The following RIMS2 variants were observed in gnomAD, a reference collection of about 807,000 sequenced individuals.
RIMS2 encodes regulating synaptic membrane exocytosis protein 2.
RIMS2 carries 59 observed loss-of-function variants against 174.4 expected under a neutral mutation model. That is an observed-to-expected ratio of 0.34 (90% CI 0.27 to 0.42). The LOEUF is 0.42. Ranked by LOEUF, RIMS2 falls within the 10% of genes least tolerant of loss-of-function variation. The probability of loss-of-function intolerance (pLI) is 1.00; values close to 1 mark genes in which losing one functional copy is unlikely to be tolerated. For missense variants in RIMS2, 1,620 were observed against 1,666.3 expected (o/e 0.97, Z 0.48); for synonymous variants, 606 against 572.5 (o/e 1.06, Z -0.84).
At chr8:103,557,520 A>G (rs764757150) in intron 1 of RIMS2, among the ~76,000 whole-genome samples, 2 of 152,184 alleles carry the variant, frequency 1.3e-5, no homozygotes, top group South Asian at 2.1e-4. Flanking sequence ...TTTATATATC[A>G]TTTAGAAAAT....
At chr8:103,736,573 C>G (rs1226108701) in intron 2 of RIMS2, among the ~76,000 whole-genome samples, 1 of 152,108 alleles carries the variant, frequency 6.6e-6, no homozygotes, top group Admixed American at 6.6e-5. Context: ...TAATTTTGGT[C>G]TATTATGTCC....
At chr8:103,764,964 T>G (rs1290368354) in intron 2 of RIMS2, among the ~76,000 whole-genome samples, 1 of 152,192 alleles carries the variant, frequency 6.6e-6, no homozygotes. Context: ...CAATGTTGTG[T>G]GATAAGATCT....
intron 3 of RIMS2, chr8:103,819,642 A>G (rs774830487): frequency 1.7e-5 from 27 of 1,582,036 alleles, no homozygotes; most frequent in Non-Finnish European, 2.1e-5. Flanking sequence ...GAGTAGAGCC[A>G]AACTATATTT....
intron 5 of RIMS2, 74 bp downstream of exon 8, chr8:103,910,603 A>C (rs1469323896): frequency 1.2e-5 from 10 of 835,194 alleles, no homozygotes; most frequent in Non-Finnish European, 1.9e-5. Flanking sequence ...TCATTAAAAC[A>C]GAACATAATA....
intron 19 of RIMS2, among the ~76,000 whole-genome samples, chr8:104,016,953 T>C (rs1342612648): frequency 6.6e-6 from 1 of 151,998 alleles, no homozygotes; most frequent in Non-Finnish European, 1.5e-5. Flanking sequence ...AAGTCCCCAA[T>C]TGTGATTTTT....
intron 1 of RIMS2, among the ~76,000 whole-genome samples, chr8:103,648,283 A>G (rs2096383269): frequency 6.6e-6 from 1 of 152,016 alleles, no homozygotes; most frequent in South Asian, 2.1e-4. Flanking sequence ...GTCTGAGAGA[A>G]TGTTTGTTAT....
At chr8:103,698,159 C>T (rs1406224127) in intron 2 of RIMS2, among the ~76,000 whole-genome samples, 1 of 151,882 alleles carries the variant, frequency 6.6e-6, no homozygotes, top group African/African-American at 2.4e-5. Flanking sequence ...CTTGTTAATC[C>T]CCATTTTTCA....
chr8:103,630,291 G>A (rs576212275), intron 1 of RIMS2, among the ~76,000 whole-genome samples: 2 of 145,728 alleles, frequency 1.4e-5, no homozygotes, highest in Admixed American at 6.7e-5. Context: ...GGAAGTAAAT[G>A]GTTACATTTT....
At chr8:104,183,754 C>G (rs1295903800) in intron 19 of RIMS2, among the ~76,000 whole-genome samples, 3 of 151,434 alleles carry the variant, frequency 2.0e-5, no homozygotes, top group African/African-American at 7.3e-5. Context: ...AGATCTACAA[C>G]TTTTGTCATA....
intron 6 of RIMS2, among the ~76,000 whole-genome samples, chr8:103,913,349 G>A (rs775662030): frequency 1.4e-4 from 22 of 152,054 alleles, no homozygotes; most frequent in Non-Finnish European, 3.1e-4. Flanking sequence ...GCTGAGGCAG[G>A]AGGATTGCCA....
intron 2 of RIMS2, among the ~76,000 whole-genome samples, chr8:103,719,230 G>A (rs962261411): frequency 6.6e-6 from 1 of 152,192 alleles, no homozygotes; most frequent in Non-Finnish European, 1.5e-5. Context: ...TCATGACATT[G>A]TCAAGCCACT....
intron 1 of RIMS2, among the ~76,000 whole-genome samples, chr8:103,689,563 A>G (rs530761260): frequency 9.9e-5 from 15 of 152,222 alleles, no homozygotes; most frequent in African/African-American, 2.7e-4. Context: ...TAGATTTATA[A>G]TTGTTATATA....
At chr8:103,851,762 A>G (rs2098999749) in intron 3 of RIMS2, among the ~76,000 whole-genome samples, 6 of 151,936 alleles carry the variant, frequency 3.9e-5, no homozygotes, top group African/African-American at 1.4e-4. Context: ...CAAACAAATT[A>G]TGTGCACTGA....
At chr8:104,137,940 G>T (rs1371780881) in intron 19 of RIMS2, among the ~76,000 whole-genome samples, 1 of 151,656 alleles carries the variant, frequency 6.6e-6, no homozygotes, top group Non-Finnish European at 1.5e-5. Flanking sequence ...ACCTGCCACC[G>T]CCACTACCCT....
chr8:104,168,149 T>C (rs1052176596), intron 19 of RIMS2, among the ~76,000 whole-genome samples: 2 of 151,968 alleles, frequency 1.3e-5, no homozygotes, highest in African/African-American at 4.8e-5. Context: ...GGCTATGCAG[T>C]CTCTTTTTTG....
chr8:103,774,071 G>A (rs1041941964), intron 3 of RIMS2, among the ~76,000 whole-genome samples: 8 of 152,070 alleles, frequency 5.3e-5, no homozygotes, highest in African/African-American at 1.9e-4. Context: ...GAACCCGGGA[G>A]GCAGATGTTG....
intron 1 of RIMS2, among the ~76,000 whole-genome samples, chr8:103,594,363 T>C (rs1735379070): frequency 6.6e-6 from 1 of 151,678 alleles, no homozygotes; most frequent in Admixed American, 6.6e-5. Flanking sequence ...CATGTGTTAG[T>C]TAAGTTTCAT....
At chr8:103,724,465 T>G (rs1295559103) in intron 2 of RIMS2, among the ~76,000 whole-genome samples, 1 of 152,230 alleles carries the variant, frequency 6.6e-6, no homozygotes, top group Non-Finnish European at 1.5e-5. Context: ...TGACTTCATT[T>G]AGATGTAAAA....
At chr8:104,252,639 T>G (rs2099361894), downstream of RIMS2, 1 of 152,158 alleles carries the variant, frequency 6.6e-6, no homozygotes, top group African/African-American at 2.4e-5. Flanking sequence ...AACAGGGTGA[T>G]ACAAAGATAC....
Sources: allele counts gnomAD v4.1 joint callset (sites outside exome capture counted in the v4.1 genomes callset), GRCh38; gene constraint gnomAD v4.1.1; transcripts MANE v1.5; gene names NCBI Gene and HGNC (gene_info 2026-07-23, HGNC 2026-07-21).